The following ZNF208 variants were observed in gnomAD, a reference collection of about 807,000 sequenced individuals.
ZNF208 encodes the protein zinc finger protein 208.
Under a neutral mutation model 12.1 loss-of-function variants are expected in ZNF208, and 10 were observed. The observed-to-expected ratio is 0.83, with a 90% CI of 0.51 to 1.40. The LOEUF is 1.40. Ranked by LOEUF, ZNF208 falls within the 40% of genes most tolerant of loss-of-function variation. The pLI, the probability that ZNF208 is intolerant of heterozygous loss-of-function variation, is 0.00. For synonymous variants in ZNF208, 497 were observed against 488.4 expected (o/e 1.02, Z -0.23); for missense variants, 1,652 against 1,485.0 (o/e 1.11, Z -1.85).
At chr19:21,975,136 G>A (rs1231018457) in intron 3 of ZNF208, among the ~76,000 whole-genome samples, 2 of 152,090 alleles carry the variant, frequency 1.3e-5, no homozygotes, top group Non-Finnish European at 2.9e-5. Context: ...GAACTAAATT[G>A]TCAACTTCTG....
intron 4 of ZNF208, among the ~76,000 whole-genome samples, chr19:21,953,679 C>A (rs1056555035): frequency 6.6e-6 from 1 of 152,214 alleles, no homozygotes; most frequent in African/African-American, 2.4e-5. Context: ...AGGAAAGAAA[C>A]AACTGGTACC....
At chr19:22,010,529 C>T (rs1176176748) in intron 1 of ZNF208, among the ~76,000 whole-genome samples, 1 of 152,232 alleles carries the variant, frequency 6.6e-6, no homozygotes, top group Admixed American at 6.5e-5. Context: ...GGAGAGACTC[C>T]GCGCTGCGGG....
intron 4 of ZNF208, among the ~76,000 whole-genome samples, chr19:21,959,385 C>A (rs1308655360): frequency 2.0e-5 from 3 of 152,146 alleles, no homozygotes; most frequent in Non-Finnish European, 4.4e-5. Flanking sequence ...CTCACATACA[C>A]AGAAAAAGAA....
intron 4 of ZNF208, among the ~76,000 whole-genome samples, chr19:21,959,682 T>C (rs1196422523): frequency 2.6e-5 from 4 of 152,214 alleles, no homozygotes; most frequent in African/African-American, 9.6e-5. Context: ...AAGATTACAC[T>C]GCATGGTCTA....
intron 2 of ZNF208, among the ~76,000 whole-genome samples, 169 bp from the exon 3 acceptor site, chr19:21,987,480 C>A (rs1283396371): frequency 6.6e-6 from 1 of 152,090 alleles, no homozygotes; most frequent in African/African-American, 2.4e-5. Context: ...TATAAGCTGG[C>A]CATAAAAATA....
At chr19:21,949,433 T>C (rs1265901826) in intron 4 of ZNF208, among the ~76,000 whole-genome samples, 2 of 152,216 alleles carry the variant, frequency 1.3e-5, no homozygotes, top group Non-Finnish European at 2.9e-5. Flanking sequence ...ACTCATTTTC[T>C]TCTTTTCCTT....
Position 21,969,726 on chromosome 19 carries a change from T to C in ZNF208, c.*1465A>G, listed in dbSNP as rs1970244228. Among the ~76,000 whole-genome samples the C allele has an allele frequency of 6.9e-6, 1 of 144,938 alleles. No individual in the cohort carries two copies. Among genetic ancestry groups the C allele is most frequent in the Admixed American group, 7.0e-5 (1 of 14,204 alleles). Reference sequence around the variant, plus strand: ...TGTACAATAAAATCTGTGATACAAGTACATGTACTACAACCCTCTTAATAT... The same window carrying C: ...TGTACAATAAAATCTGTGATACAAGCACATGTACTACAACCCTCTTAATAT... On this transcript the variant is annotated 3_prime_UTR_variant, in exon 4 of 4. Coordinates refer to ENST00000397126, the MANE Select transcript of ZNF208 (RefSeq NM_007153.3).
rs75679632 is a variant in ZNF208, at chr19:21,941,726, G to C, written c.306-8489C>G. On this transcript the variant is annotated intron_variant, in intron 4 of 4. Transcript: ENST00000599916. The stretch of plus-strand genomic sequence containing the variant: ...ATTGTATTTGTTTTACATATTAAAG[G>C]CTCAAAGTAACAAATAATGTATCTG... Among the ~76,000 whole-genome samples the C allele has an allele frequency of 1.9e-3, 294 of 152,006 alleles. 1 individual carries two copies. The highest frequency in any genetic ancestry group is 6.7e-3 in the African/African-American group (277 of 41,468).
At chr19:21,951,396 A>G (rs554215538) in intron 4 of ZNF208, among the ~76,000 whole-genome samples, 20 of 152,334 alleles carry the variant, frequency 1.3e-4, no homozygotes, top group Non-Finnish European at 2.6e-4. Context: ...TTTATAATAA[A>G]AAATTATAAG....
Position 21,968,105 on chromosome 19 carries a change from T to A in ZNF208, c.*3086A>T, listed in dbSNP as rs1275202466. ...TGATTTTGTATTCTAAGATTTTTTT[T>A]GAAGTCTTTTTCCAGGCTTAGAACT... On this transcript the variant is annotated 3_prime_UTR_variant, in exon 4 of 4. Coordinates refer to ENST00000397126, the MANE Select transcript of ZNF208 (RefSeq NM_007153.3). 2.0e-5 allele frequency: 3 copies of A among 152,144 alleles called. No individual in the cohort carries two copies. The highest frequency in any genetic ancestry group is 4.4e-5 in the Non-Finnish European group (3 of 68,000). 9.4% of individuals were successfully genotyped at this position (152,144 alleles called of 1,614,324 possible).
chr19:22,004,545 A>T (rs531436106), intron 1 of ZNF208, among the ~76,000 whole-genome samples: 15 of 152,274 alleles, frequency 9.9e-5, no homozygotes, highest in African/African-American at 3.4e-4. Flanking sequence ...TGGTACATAA[A>T]CACCATGAAT....
intron 1 of ZNF208, among the ~76,000 whole-genome samples, chr19:22,009,023 C>CT (rs1971097633): frequency 6.6e-6 from 1 of 152,142 alleles, no homozygotes; most frequent in Non-Finnish European, 1.5e-5. Context: ...TGAAGGGTGT[C>CT]TGAGGACACA....
chr19:21,944,109 C>T (rs1302398296), intron 4 of ZNF208, among the ~76,000 whole-genome samples: 2 of 152,172 alleles, frequency 1.3e-5, no homozygotes, highest in Admixed American at 6.5e-5. Flanking sequence ...CACTAAAAGG[C>T]ACTATTCAGT....
At chr19:21,996,524 T>C (rs1365994697) in intron 1 of ZNF208, among the ~76,000 whole-genome samples, 1 of 152,206 alleles carries the variant, frequency 6.6e-6, no homozygotes, top group Admixed American at 6.5e-5. Flanking sequence ...TTCTCTGACT[T>C]TAGTAACTAA....
intron 4 of ZNF208, among the ~76,000 whole-genome samples, chr19:21,943,853 G>T (rs1969779299): frequency 6.6e-6 from 1 of 152,122 alleles, no homozygotes; most frequent in Non-Finnish European, 1.5e-5. Flanking sequence ...TGTGCTAAAA[G>T]TATTGAGCCA....
At position 21,973,991 on chromosome 19, in the gene ZNF208, T is replaced by G. The variant is rs1368165354; in HGVS notation, c.1043A>C (p.Lys348Thr). 1 of 1,601,684 alleles carries G rather than the reference T, an allele frequency of 6.2e-7. No individual in the cohort carries two copies. Among genetic ancestry groups the G allele is most frequent in the Admixed American group, 1.7e-5 (1 of 59,532 alleles). The change falls in exon 4 of 4, where the codon AAA becomes ACA. Residue 348 changes from lysine (K) to threonine (T), a missense_variant. By Grantham distance (78) the Lys-to-Thr change is moderately conservative (BLOSUM62 -1). This residue lies in a region of ZNF208 where 1,239 missense variants were observed against 1,086.2 expected (regional missense o/e 1.14). Transcript: ENST00000397126. Reference sequence around the variant, plus strand: ...AAGGATTGAGAACTTACTAAAGGCTTTGCCACATTCTTTACATTTGTAGGG... The same window carrying G: ...AAGGATTGAGAACTTACTAAAGGCTGTGCCACATTCTTTACATTTGTAGGG... ...EKPYKCKECG[K>T]AFSKFSILTK...
At chr19:21,945,100 A>G (rs1969796431) in intron 4 of ZNF208, among the ~76,000 whole-genome samples, 1 of 152,210 alleles carries the variant, frequency 6.6e-6, no homozygotes, top group Admixed American at 6.5e-5. Flanking sequence ...TGAAAAATGA[A>G]CAAGCATGTA....
chr19:21,944,116 C>G (rs986860477), intron 4 of ZNF208, among the ~76,000 whole-genome samples: 3 of 152,186 alleles, frequency 2.0e-5, no homozygotes, highest in Non-Finnish European at 4.4e-5. Flanking sequence ...AGGCACTATT[C>G]AGTAGATATT....
chr19:21,940,146 A>T (rs1969711378), intron 4 of ZNF208: 1 of 141,746 alleles, frequency 7.1e-6, no homozygotes, highest in Admixed American at 7.4e-5. Context: ...TGAAAGTTTT[A>T]TAAGAGTAAA....
Sources: gnomAD v4.1 joint callset for allele counts (sites outside exome capture counted in the v4.1 genomes callset) on GRCh38, gnomAD v4.1.1 for gene constraint, gnomAD v4.1.1 regional missense constraint, MANE v1.5 for transcripts, NCBI Gene and HGNC (gene_info 2026-07-23, HGNC 2026-07-21) for gene names.